The following TLCD4 variants were observed in gnomAD, a reference collection of about 807,000 sequenced individuals.
The protein encoded by TLCD4 is TLC domain containing 4.
TLCD4 carries 7 observed loss-of-function variants against 24.2 expected under a neutral mutation model. The ratio of observed to expected loss-of-function variants is 0.29; its 90% CI spans 0.16 to 0.54. The LOEUF is 0.54. Among genes scored for constraint, TLCD4 ranks in the 20% least tolerant of loss-of-function variants. The pLI, the probability that TLCD4 is intolerant of heterozygous loss-of-function variation, is 0.95. For missense variants in TLCD4, 259 were observed against 313.9 expected (o/e 0.82, Z 1.32); for synonymous variants, 103 against 106.4 (o/e 0.97, Z 0.20).
intron 5 of TLCD4, among the ~76,000 whole-genome samples, chr1:95,158,969 C>T (rs545162117): frequency 3.9e-5 from 6 of 152,218 alleles, no homozygotes; most frequent in South Asian, 2.1e-4. Flanking sequence ...AGTAAACATA[C>T]GTGTGCGTGT....
intron 1 of TLCD4, 123 bp from the exon 2 acceptor site, chr1:95,143,768 A>G: frequency 1.0e-6 from 1 of 962,308 alleles, no homozygotes. Context: ...TATAGTTTAT[A>G]TTCTTAACAT....
At chr1:95,171,266 A>G (rs550416060) in intron 5 of TLCD4, among the ~76,000 whole-genome samples, 2 of 152,190 alleles carry the variant, frequency 1.3e-5, no homozygotes, top group South Asian at 4.1e-4. Flanking sequence ...TGCATTTATA[A>G]TAAAACAAAG....
At chr1:95,191,444 C>G in intron 6 of TLCD4, 106 bp from the exon 7 acceptor site, 1 of 1,380,650 alleles carries the variant, frequency 7.2e-7, no homozygotes, top group Non-Finnish European at 9.7e-7. Context: ...TATTCTAGGC[C>G]CTTTGCTCCT....
At chr1:95,102,021 A>G in the TLCD4 span, among the ~76,000 whole-genome samples, 1 of 152,248 alleles carries the variant, frequency 6.6e-6, no homozygotes, top group African/African-American at 2.4e-5. Flanking sequence ...TAGGCAATAA[A>G]GAGTAAGAGA....
At chr1:95,182,703 T>C (rs1678688950) in intron 6 of TLCD4, among the ~76,000 whole-genome samples, 1 of 152,170 alleles carries the variant, frequency 6.6e-6, no homozygotes, top group African/African-American at 2.4e-5. Flanking sequence ...AAAATAATTA[T>C]ATCTTGAAGA....
At chr1:95,095,569 T>C in the TLCD4 span, among the ~76,000 whole-genome samples, 1 of 152,170 alleles carries the variant, frequency 6.6e-6, no homozygotes, top group African/African-American at 2.4e-5. Context: ...AGCTAATCTT[T>C]TGTATTTTTA....
chr1:95,131,681 G>T lies in TLCD4; in HGVS notation c.-11-12210G>T, dbSNP rs183653965. Among the ~76,000 whole-genome samples, 153 of 152,310 alleles carry T rather than the reference G, an allele frequency of 1.0e-3. 1 individual carries two copies. Among genetic ancestry groups the T allele is most frequent in the Admixed American group, 9.9e-3 (152 of 15,300 alleles). On this transcript the variant is annotated intron_variant, in intron 1 of 6. Transcript: ENST00000370203. The stretch of plus-strand genomic sequence containing the variant: ...GTTATTTAAGAAGTATAATCCATTG[G>T]ACTTGGTGGTAGATTGAATATGGTG...
At chr1:95,161,091 T>C (rs185249328) in intron 5 of TLCD4, among the ~76,000 whole-genome samples, 182 of 152,350 alleles carry the variant, frequency 1.2e-3, no homozygotes, top group African/African-American at 3.0e-3. Flanking sequence ...CCAGCTCCTC[T>C]TTGTACCTCT....
At chr1:95,152,014 C>G (rs748541509) in intron 5 of TLCD4, among the ~76,000 whole-genome samples, 8 of 151,988 alleles carry the variant, frequency 5.3e-5, no homozygotes, top group Non-Finnish European at 1.0e-4. Flanking sequence ...TCTCTAGAAT[C>G]AATTGTTTTT....
chr1:95,093,712 G>A, the TLCD4 span, among the ~76,000 whole-genome samples: 26 of 152,280 alleles, frequency 1.7e-4, no homozygotes, highest in African/African-American at 6.0e-4. Context: ...TGACAATTCC[G>A]AAATTCGTAT....
chr1:95,113,968 A>AT (rs1283410989), upstream of TLCD4, among the ~76,000 whole-genome samples: 2 of 152,168 alleles, frequency 1.3e-5, no homozygotes, highest in Admixed American at 1.3e-4. Flanking sequence ...TAAAAAAAAA[A>AT]GTCTCACCCA....
chr1:95,136,827 T>A (rs1677055687), intron 1 of TLCD4, among the ~76,000 whole-genome samples: 1 of 152,200 alleles, frequency 6.6e-6, no homozygotes, highest in Non-Finnish European at 1.5e-5. Context: ...GACTGAGCTG[T>A]TCCAGGTTGG....
intron 2 of TLCD4, among the ~76,000 whole-genome samples, chr1:95,147,479 T>G (rs187675444): frequency 6.6e-6 from 1 of 152,344 alleles, no homozygotes; most frequent in African/African-American, 2.4e-5. Context: ...AAAATGATTC[T>G]TAGGTATTAT....
At chr1:95,158,404 A>AACTG in intron 5 of TLCD4, among the ~76,000 whole-genome samples, 1 of 152,080 alleles carries the variant, frequency 6.6e-6, no homozygotes. Flanking sequence ...GCTGGTCTCA[A>AACTG]ACTGCTGGGC....
At chr1:95,185,163 C>A (rs561847633) in intron 6 of TLCD4, among the ~76,000 whole-genome samples, 1 of 151,830 alleles carries the variant, frequency 6.6e-6, no homozygotes, top group Admixed American at 6.6e-5. Flanking sequence ...GTGAATATGT[C>A]TGACTCTCCT....
At chr1:95,128,375 G>T (rs1676800424) in intron 1 of TLCD4, among the ~76,000 whole-genome samples, 1 of 152,180 alleles carries the variant, frequency 6.6e-6, no homozygotes, top group African/African-American at 2.4e-5. Flanking sequence ...AAGATAAAAA[G>T]TTGATGCAAA....
the TLCD4 span, among the ~76,000 whole-genome samples, chr1:95,093,238 A>C: frequency 6.6e-6 from 1 of 152,202 alleles, no homozygotes; most frequent in Non-Finnish European, 1.5e-5. Flanking sequence ...AGGCTAATCA[A>C]GGAATTTCTT....
upstream of TLCD4, among the ~76,000 whole-genome samples, chr1:95,114,174 C>T (rs1343670720): frequency 2.6e-5 from 4 of 152,194 alleles, no homozygotes; most frequent in South Asian, 2.1e-4. Flanking sequence ...ATCCTCCTGC[C>T]TCAGTCTCCC....
In TLCD4 at chr1:95,175,467, G is replaced by A. The variant is rs184390604; in HGVS notation, c.473+1578G>A. On this transcript the variant is annotated intron_variant, in intron 6 of 6. Coordinates refer to ENST00000370203, the MANE Select transcript of TLCD4 (RefSeq NM_152487.3). ...GGACATTGAGATTACTTGCACCCCT[G>A]GCTATTGTGAATAATGCTGAAATGG... 6.5e-4 allele frequency among the ~76,000 whole-genome samples: 99 copies of A among 152,240 alleles called. 1 individual carries two copies. In the Middle Eastern group the frequency reaches 0.027, roughly 42 times the overall value.
Sources: gnomAD v4.1 joint callset for allele counts (sites outside exome capture counted in the v4.1 genomes callset) on GRCh38, gnomAD v4.1.1 for gene constraint, MANE v1.5 for transcripts, NCBI Gene and HGNC (gene_info 2026-07-23, HGNC 2026-07-21) for gene names.